The following ASIC2 variants were observed in gnomAD, a reference collection of about 807,000 sequenced individuals.
ASIC2 encodes the protein acid-sensing ion channel 2.
In ASIC2, 25 loss-of-function variants were observed where a neutral mutation model predicts 57.3. The observed-to-expected ratio is 0.44, with a 90% CI of 0.32 to 0.61. ASIC2 has a LOEUF of 0.61. ASIC2 is among the 20% of genes least tolerant of loss of function. The pLI is 0.06. For missense variants in ASIC2, 641 were observed against 738.1 expected, an observed-to-expected ratio of 0.87 and a Z score of 1.52; for synonymous variants, 319 against 307.5, an observed-to-expected ratio of 1.04 and a Z score of -0.39.
chr17:33,325,335 A>T (rs1907033063), intron 1 of ASIC2, among the ~76,000 whole-genome samples: 1 of 152,232 alleles, frequency 6.6e-6, no homozygotes, highest in South Asian at 2.1e-4. Flanking sequence ...GGCTCTGCAG[A>T]GGAGACAACT....
chr17:33,856,369 G>A (rs1310008505), intron 1 of ASIC2, among the ~76,000 whole-genome samples: 1 of 152,208 alleles, frequency 6.6e-6, no homozygotes, highest in Non-Finnish European at 1.5e-5. Flanking sequence ...TTGTATGGTA[G>A]CAGTAGCAGT....
chr17:33,288,205 AG>A (rs559885196), intron 1 of ASIC2, among the ~76,000 whole-genome samples: 18 of 152,236 alleles, frequency 1.2e-4, no homozygotes, highest in African/African-American at 4.1e-4. Context: ...AGGGGCAAGA[AG>A]GGGAAGGCAT....
chr17:33,487,457 G>A (rs1456591164), intron 1 of ASIC2, among the ~76,000 whole-genome samples: 1 of 152,212 alleles, frequency 6.6e-6, no homozygotes, highest in Non-Finnish European at 1.5e-5. Flanking sequence ...TTCCATTTAT[G>A]AGCCATGTGA....
At chr17:33,747,215 C>T (rs1474116642) in intron 1 of ASIC2, among the ~76,000 whole-genome samples, 3 of 150,034 alleles carry the variant, frequency 2.0e-5, no homozygotes, top group Non-Finnish European at 4.4e-5. Flanking sequence ...TGCTCCCATC[C>T]AGCCGTCTTT....
chr17:33,843,705 G>A (rs1026611518), intron 1 of ASIC2, among the ~76,000 whole-genome samples: 6 of 152,192 alleles, frequency 3.9e-5, no homozygotes, highest in African/African-American at 1.4e-4. Flanking sequence ...AACTGATGGA[G>A]AAGCTTGAAA....
chr17:33,319,381 G>T lies in ASIC2; in HGVS notation c.556-207314C>A, dbSNP rs1026731541. ...ACGTAGCTGCCCAGGACAATCTATTGGTCTGAGAAGGACCAGCTGATGACA... is the reference window on the plus strand; with the variant it reads ...ACGTAGCTGCCCAGGACAATCTATTTGTCTGAGAAGGACCAGCTGATGACA... On this transcript the variant is annotated intron_variant, in intron 1 of 9. Transcript: ENST00000359872. 4.6e-5 allele frequency among the ~76,000 whole-genome samples: 7 copies of T among 152,290 alleles called. No homozygotes were observed. In the Middle Eastern group the frequency reaches 0.01, roughly 222 times the overall value.
intron 1 of ASIC2, among the ~76,000 whole-genome samples, chr17:33,735,933 A>G (rs1909897128): frequency 6.6e-6 from 1 of 152,100 alleles, no homozygotes; most frequent in African/African-American, 2.4e-5. Context: ...TTTGGCATGA[A>G]TGAATGAGTG....
At chr17:33,693,495 C>A (rs1050911482) in intron 1 of ASIC2, among the ~76,000 whole-genome samples, 2 of 152,058 alleles carry the variant, frequency 1.3e-5, no homozygotes, top group South Asian at 4.2e-4. Flanking sequence ...AGCTCAGGTG[C>A]CTTAGGGACT....
At chr17:33,680,531 G>A (rs894381028) in intron 1 of ASIC2, 17 of 152,330 alleles carry the variant, frequency 1.1e-4, no homozygotes, top group Non-Finnish European at 1.8e-4. Flanking sequence ...TCTCCCAGGG[G>A]CCCCTGTGTC....
chr17:33,535,665 T>G (rs1915207210), intron 1 of ASIC2, among the ~76,000 whole-genome samples: 2 of 152,188 alleles, frequency 1.3e-5, no homozygotes, highest in Non-Finnish European at 2.9e-5. Context: ...CATTAATCCC[T>G]TGACTGACTT....
At chr17:33,691,142 T>A (rs1048306000) in intron 1 of ASIC2, among the ~76,000 whole-genome samples, 2 of 152,254 alleles carry the variant, frequency 1.3e-5, no homozygotes, top group Admixed American at 1.3e-4. Context: ...ATATTTATAT[T>A]ACTTCCAAAC....
chr17:33,591,484 C>T (rs1219997400), intron 1 of ASIC2, among the ~76,000 whole-genome samples: 1 of 152,166 alleles, frequency 6.6e-6, no homozygotes, highest in African/African-American at 2.4e-5. Context: ...TGTCGGCAGC[C>T]GCCATCAATC....
At chr17:34,040,355 T>A (rs1181468668) in intron 1 of ASIC2, among the ~76,000 whole-genome samples, 3 of 141,116 alleles carry the variant, frequency 2.1e-5, no homozygotes, top group Non-Finnish European at 3.0e-5. Context: ...AACACACTAG[T>A]GAAACCGCGT....
chr17:33,246,029 T>A (rs201345442), intron 1 of ASIC2, among the ~76,000 whole-genome samples: 1 of 145,286 alleles, frequency 6.9e-6, no homozygotes. Flanking sequence ...TACCTCTACT[T>A]AAAAAAAAAA....
At chr17:33,347,623 T>C (rs1907998367) in intron 1 of ASIC2, among the ~76,000 whole-genome samples, 1 of 152,114 alleles carries the variant, frequency 6.6e-6, no homozygotes, top group African/African-American at 2.4e-5. Context: ...GGATCACTAA[T>C]TTAAAAGCCC....
At chr17:33,856,192 G>C (rs1913923436) in intron 1 of ASIC2, among the ~76,000 whole-genome samples, 1 of 152,166 alleles carries the variant, frequency 6.6e-6, no homozygotes, top group Non-Finnish European at 1.5e-5. Context: ...GGGTGGCTTG[G>C]AGCAAGTTAA....
chr17:33,448,049 TAATAAAATAA>T (rs67408111), intron 1 of ASIC2, among the ~76,000 whole-genome samples: 10,051 of 139,972 alleles, frequency 0.072, 409 homozygotes, highest in African/African-American at 0.096. Context: ...TCTTTATGCA[TAATAAAATAA>T]AATAAAATAA....
chr17:34,012,562 T>C (rs142947109), intron 1 of ASIC2, among the ~76,000 whole-genome samples: 27 of 152,318 alleles, frequency 1.8e-4, no homozygotes, highest in African/African-American at 5.8e-4. Flanking sequence ...CTTTTCCTGA[T>C]GAGCCCTCTC....
intron 1 of ASIC2, among the ~76,000 whole-genome samples, chr17:33,609,262 T>C (rs1288568860): frequency 1.3e-5 from 2 of 152,170 alleles, no homozygotes; most frequent in East Asian, 3.9e-4. Flanking sequence ...AATCCTCTGC[T>C]TAAGAGACAC....
Sources: allele counts gnomAD v4.1 joint callset (sites outside exome capture counted in the v4.1 genomes callset), GRCh38; gene constraint gnomAD v4.1.1; transcripts MANE v1.5; gene names NCBI Gene and HGNC (gene_info 2026-07-23, HGNC 2026-07-21).